The following NEDD4L variants were observed in gnomAD, a reference collection of about 807,000 sequenced individuals.
NEDD4L encodes the protein E3 ubiquitin-protein ligase NEDD4-like.
In NEDD4L, 54 loss-of-function variants were observed where a neutral mutation model predicts 148.9. That is an observed-to-expected ratio of 0.36 (90% CI 0.29 to 0.45). NEDD4L has a LOEUF of 0.45. Ranked by LOEUF, NEDD4L falls within the 20% of genes least tolerant of loss-of-function variation. The probability of loss-of-function intolerance (pLI) is 1.00; values close to 1 mark genes in which losing one functional copy is unlikely to be tolerated. For missense variants in NEDD4L, 856 were observed against 1,233.8 expected (o/e 0.69, Z 4.59); for synonymous variants, 433 against 440.7 (o/e 0.98, Z 0.22).
At chr18:58,198,221 T>A (rs1030823953) in intron 2 of NEDD4L, among the ~76,000 whole-genome samples, 4 of 152,196 alleles carry the variant, frequency 2.6e-5, no homozygotes, top group African/African-American at 9.7e-5. Flanking sequence ...GGCCCTTTTT[T>A]AAAATTTATT....
intron 1 of NEDD4L, chr18:58,047,281 A>T: frequency 5.1e-6 from 5 of 984,400 alleles, no homozygotes; most frequent in Non-Finnish European, 4.8e-6. Context: ...AAGTAGACAC[A>T]CATACCTACC....
chr18:58,350,917 AAAT>A, intron 17 of NEDD4L, 71 bp from the exon 18 acceptor site: 1 of 1,189,422 alleles, frequency 8.4e-7, no homozygotes, highest in Non-Finnish European at 1.2e-6. Flanking sequence ...TATAGTTTTT[AAAT>A]GTTGCCTTTG....
intron 1 of NEDD4L, among the ~76,000 whole-genome samples, chr18:58,144,553 G>A (rs972738887): frequency 3.9e-5 from 6 of 152,060 alleles, no homozygotes; most frequent in Admixed American, 3.9e-4. Context: ...GCCTTAAGGG[G>A]ATCTTACCTC....
Position 58,341,057 on chromosome 18 carries a change from A to G in NEDD4L, c.1145A>G (p.His382Arg), listed in dbSNP as rs1039095191. 6.2e-7 allele frequency: 1 copy of G among 1,610,512 alleles called. No homozygotes were observed. The highest frequency in any genetic ancestry group is 8.5e-7 in the Non-Finnish European group (1 of 1,178,390). ...AAACAGCCATCAGTGGCCTATGTAC[A>G]TACCACGCCGGGTCTGCCTTCAGGC... ...EEPTPSVAYV[H>R]TTPGLPSGWE... Residue 382 changes from histidine to arginine, a missense_variant, in exon 14 of 31, where the codon CAT becomes CGT. By Grantham distance (29) the His-to-Arg change is conservative. Transcript: ENST00000400345.
chr18:58,310,568 C>T (rs1282114436), intron 5 of NEDD4L, among the ~76,000 whole-genome samples: 1 of 152,204 alleles, frequency 6.6e-6, no homozygotes, highest in Non-Finnish European at 1.5e-5. Context: ...AAGGCAGAGG[C>T]ACCACCCAGG....
At chr18:58,156,521 G>A (rs1359772434) in intron 1 of NEDD4L, among the ~76,000 whole-genome samples, 1 of 152,134 alleles carries the variant, frequency 6.6e-6, no homozygotes, top group Non-Finnish European at 1.5e-5. Context: ...GGCTCCTCGT[G>A]TGCAGGCCTT....
chr18:58,236,444 G>T (rs2046031048), intron 2 of NEDD4L, among the ~76,000 whole-genome samples: 1 of 152,200 alleles, frequency 6.6e-6, no homozygotes, highest in Non-Finnish European at 1.5e-5. Context: ...GGCTGTTCTG[G>T]TGACTCAGTG....
chr18:58,166,292 C>T (rs957742269), intron 2 of NEDD4L, among the ~76,000 whole-genome samples: 5 of 152,148 alleles, frequency 3.3e-5, no homozygotes, highest in African/African-American at 7.2e-5. Context: ...TGATTTGGGG[C>T]GAATGTGGTG....
At chr18:58,093,457 T>G (rs2084197820) in intron 1 of NEDD4L, among the ~76,000 whole-genome samples, 1 of 152,208 alleles carries the variant, frequency 6.6e-6, no homozygotes, top group African/African-American at 2.4e-5. Context: ...CAGAGAATAC[T>G]GTTTAACAGG....
chr18:58,174,021 C>G (rs2037812722), intron 2 of NEDD4L, among the ~76,000 whole-genome samples: 1 of 152,230 alleles, frequency 6.6e-6, no homozygotes, highest in African/African-American at 2.4e-5. Context: ...CTCTACCATG[C>G]TGGGGTGCCC....
intron 5 of NEDD4L, among the ~76,000 whole-genome samples, chr18:58,268,990 G>A (rs747905150): frequency 6.6e-5 from 10 of 152,000 alleles, no homozygotes; most frequent in Non-Finnish European, 1.2e-4. Flanking sequence ...CAAGCCTCAG[G>A]CCTGAAAGTC....
chr18:58,328,342 T>C (rs1454317217), intron 9 of NEDD4L, among the ~76,000 whole-genome samples: 1 of 152,214 alleles, frequency 6.6e-6, no homozygotes, highest in Admixed American at 6.5e-5. Context: ...TAGGGTATGA[T>C]GTTTTGGTGT....
chr18:58,234,651 A>AT (rs1327592700), intron 2 of NEDD4L, among the ~76,000 whole-genome samples: 1 of 152,100 alleles, frequency 6.6e-6, no homozygotes, highest in Non-Finnish European at 1.5e-5. Context: ...TTTGAACTTG[A>AT]TTACCTCTGT....
intron 2 of NEDD4L, among the ~76,000 whole-genome samples, chr18:58,241,907 T>G (rs992532634): frequency 2.0e-5 from 3 of 152,044 alleles, no homozygotes; most frequent in Admixed American, 2.0e-4. Flanking sequence ...AATTTGCCTT[T>G]TAATCTACAT....
At chr18:58,205,226 C>T (rs1406858911) in intron 2 of NEDD4L, among the ~76,000 whole-genome samples, 1 of 152,218 alleles carries the variant, frequency 6.6e-6, no homozygotes, top group Non-Finnish European at 1.5e-5. Context: ...TGGTCACCAG[C>T]TTCTAGCTAG....
intron 1 of NEDD4L, among the ~76,000 whole-genome samples, chr18:58,066,695 G>A (rs1294091418): frequency 2.6e-5 from 4 of 152,100 alleles, no homozygotes; most frequent in African/African-American, 7.2e-5. Context: ...ATTGGCTCAC[G>A]ATTCTGCAGG....
intron 1 of NEDD4L, among the ~76,000 whole-genome samples, chr18:58,137,545 C>G (rs1053030469): frequency 6.6e-6 from 1 of 152,082 alleles, no homozygotes; most frequent in Non-Finnish European, 1.5e-5. Flanking sequence ...GAAAAGTCGC[C>G]GAGCCCAGAG....
At chr18:58,285,208 C>T (rs765394961) in intron 5 of NEDD4L, among the ~76,000 whole-genome samples, 4 of 152,160 alleles carry the variant, frequency 2.6e-5, no homozygotes, top group Non-Finnish European at 5.9e-5. Flanking sequence ...GCAGAACCCA[C>T]ATCTGGTGCT....
At position 58,381,296 on chromosome 18, in the gene NEDD4L, T is replaced by A. The variant is rs1025508348; in HGVS notation, c.2353-1950T>A. On this transcript the variant is annotated intron_variant, in intron 24 of 30. Coordinates refer to ENST00000400345, the MANE Select transcript of NEDD4L (RefSeq NM_001144967.3). ...TCTGCACTCAGCAACACTGGCTTAT[T>A]TTCTCTCTCATCCCTGGGCGCTGCT... is the stretch of plus-strand genomic sequence containing the variant. Among the ~76,000 whole-genome samples the A allele has an allele frequency of 2.6e-5, 4 of 152,298 alleles. No homozygotes were observed. The East Asian group carries it at 7.7e-4, about 29-fold the overall frequency.
Sources: allele counts gnomAD v4.1 joint callset (sites outside exome capture counted in the v4.1 genomes callset), GRCh38; gene constraint gnomAD v4.1.1; transcripts MANE v1.5; gene names NCBI Gene and HGNC (gene_info 2026-07-23, HGNC 2026-07-21).